The following MAD1L1 variants were observed in gnomAD, a reference collection of about 807,000 sequenced individuals.
The protein encoded by MAD1L1 is mitotic arrest deficient 1 like 1.
A neutral mutation model predicts 96.9 loss-of-function variants in MAD1L1; 95 were observed. The observed-to-expected ratio is 0.98, with a 90% CI of 0.83 to 1.16. The LOEUF is 1.16. Ranked by LOEUF, MAD1L1 falls within the 50% of genes most tolerant of loss-of-function variation. MAD1L1 has a pLI of 0.00. For synonymous variants in MAD1L1, 473 were observed against 396.6 expected (o/e 1.19, Z -2.29); for missense variants, 1,007 against 954.4 (o/e 1.06, Z -0.73).
rs372955253 is a variant in MAD1L1 at position 2,069,208 on chromosome 7, G to A, written c.1204C>T (p.Leu402=). 3.7e-6 allele frequency: 6 copies of A among 1,601,100 alleles called. No homozygotes were observed. In the African/African-American group the frequency reaches 8.1e-5, roughly 22 times the overall value. The change falls in exon 12 of 19, where the codon CTG becomes TTG. Residue 402 remains leucine (L), a synonymous_variant. Coordinates refer to ENST00000265854, the MANE Select transcript of MAD1L1 (RefSeq NM_001013836.2). ...GCATACATCACCTTGGTGAGCAGCA[G>A]GACCCGTTTCTGGAGCCTCCGGGCC... ...ALARRLQKRV[L]LLTKERDGMR...
At chr7:2,201,486 G>A (rs1792296167) in intron 10 of MAD1L1, among the ~76,000 whole-genome samples, 1 of 152,132 alleles carries the variant, frequency 6.6e-6, no homozygotes, top group African/African-American at 2.4e-5. Flanking sequence ...AACCAGCCCA[G>A]ATACCACCAG....
At chr7:2,135,246 G>A (rs962183342) in intron 11 of MAD1L1, among the ~76,000 whole-genome samples, 2 of 152,176 alleles carry the variant, frequency 1.3e-5, no homozygotes, top group Non-Finnish European at 2.9e-5. Flanking sequence ...ACACCTGTGC[G>A]GGGCCAGACT....
chr7:2,207,091 A>AG (rs1441175393), intron 10 of MAD1L1, among the ~76,000 whole-genome samples: 1 of 152,074 alleles, frequency 6.6e-6, no homozygotes, highest in African/African-American at 2.4e-5. Context: ...AAAAAAAAAA[A>AG]AAAAGAAATT....
At chr7:1,902,615 G>A (rs762617057) in intron 17 of MAD1L1, among the ~76,000 whole-genome samples, 10 of 152,220 alleles carry the variant, frequency 6.6e-5, no homozygotes, top group Admixed American at 1.3e-4. Flanking sequence ...GCCCTTCCCC[G>A]GGGCCTGAGC....
chr7:1,957,043 G>A (rs1056738155), intron 16 of MAD1L1, among the ~76,000 whole-genome samples: 2 of 152,218 alleles, frequency 1.3e-5, no homozygotes, highest in East Asian at 1.9e-4. Context: ...CAGCAGCCCC[G>A]TGACCGCTCC....
chr7:2,227,692 G>A (rs550274755), intron 3 of MAD1L1, among the ~76,000 whole-genome samples: 2 of 152,332 alleles, frequency 1.3e-5, no homozygotes, highest in South Asian at 4.1e-4. Context: ...ACTGTGTCTC[G>A]ATTCTCAGCT....
In MAD1L1 at chr7:2,103,655, C is replaced by T. The variant is rs111422301; in HGVS notation, c.1074-34317G>A. The stretch of plus-strand genomic sequence containing the variant: ...CAGCCAGAACACTGAGACTCGATCC[C>T]ACAGGGGAGAAGGAGGGAGCGGCCA... On this transcript the variant is annotated intron_variant, in intron 11 of 18. Coordinates refer to ENST00000265854, the MANE Select transcript of MAD1L1 (RefSeq NM_001013836.2). This position sits in a 1 kb window ranked among gnomAD's most constrained non-coding sequence, Gnocchi z 4.3. Among the ~76,000 whole-genome samples, 346 of 152,316 alleles carry T rather than the reference C, an allele frequency of 2.3e-3. 3 individuals are homozygous for T. The highest frequency in any genetic ancestry group is 7.9e-3 in the Admixed American group (121 of 15,306).
At chr7:2,219,577 G>C in intron 5 of MAD1L1, 121 bp from the exon 6 acceptor site, 1 of 1,043,726 alleles carries the variant, frequency 9.6e-7, no homozygotes. Context: ...ATCAGGGCAG[G>C]AGGCAGAGGG....
chr7:2,120,665 C>A (rs973426850), intron 11 of MAD1L1, among the ~76,000 whole-genome samples: 2 of 152,230 alleles, frequency 1.3e-5, no homozygotes, highest in African/African-American at 4.8e-5. Context: ...CAACACAAAA[C>A]CAAGGCGTTT....
chr7:2,076,128 G>A (rs1362404165), intron 11 of MAD1L1, among the ~76,000 whole-genome samples: 1 of 152,240 alleles, frequency 6.6e-6, no homozygotes, highest in Non-Finnish European at 1.5e-5. Flanking sequence ...GCTGAGTGGT[G>A]CCTGGAGTGT....
At chr7:2,078,066 C>T (rs1261165744) in intron 11 of MAD1L1, among the ~76,000 whole-genome samples, 1 of 152,164 alleles carries the variant, frequency 6.6e-6, no homozygotes, top group South Asian at 2.1e-4. Context: ...GGGGAAGGGC[C>T]CCCACTCACC....
intron 11 of MAD1L1, among the ~76,000 whole-genome samples, chr7:2,101,550 G>A (rs1163278536): frequency 2.0e-5 from 3 of 149,706 alleles, no homozygotes. Flanking sequence ...CATCCAGGTG[G>A]GTGGCAGGAG....
chr7:2,042,039 G>C (rs532033315), intron 12 of MAD1L1, among the ~76,000 whole-genome samples: 5 of 151,590 alleles, frequency 3.3e-5, no homozygotes, highest in African/African-American at 1.2e-4. Context: ...ACACGCACAC[G>C]GACATGCACA....
chr7:2,160,460 G>A (rs1790050692), intron 10 of MAD1L1, among the ~76,000 whole-genome samples: 2 of 151,058 alleles, frequency 1.3e-5, no homozygotes, highest in South Asian at 4.2e-4. Flanking sequence ...AGACTCCCGA[G>A]GGGCTGGGAC....
At chr7:2,075,304 G>C (rs1355928618) in intron 11 of MAD1L1, among the ~76,000 whole-genome samples, 1 of 152,168 alleles carries the variant, frequency 6.6e-6, no homozygotes, top group East Asian at 1.9e-4. Context: ...TGCAGGTAGA[G>C]GCGCTCCGGC....
intron 10 of MAD1L1, among the ~76,000 whole-genome samples, chr7:2,170,464 G>A (rs1050649909): frequency 1.1e-4 from 16 of 152,228 alleles, no homozygotes; most frequent in Non-Finnish European, 1.5e-5. Context: ...TGTGGCTGGT[G>A]CAGAGGCTGA....
intron 18 of MAD1L1, among the ~76,000 whole-genome samples, chr7:1,819,012 C>T (rs971572756): frequency 6.6e-6 from 1 of 152,086 alleles, no homozygotes; most frequent in African/African-American, 2.4e-5. Context: ...CCGTTTCCCC[C>T]AGCGTACCCA....
intron 17 of MAD1L1, among the ~76,000 whole-genome samples, chr7:1,914,050 T>A (rs1409747237): frequency 1.3e-5 from 2 of 151,996 alleles, no homozygotes; most frequent in Non-Finnish European, 2.9e-5. Context: ...CCACCTCTCC[T>A]CTCCTGCAAG....
intron 16 of MAD1L1, among the ~76,000 whole-genome samples, chr7:1,950,074 A>T (rs978954485): frequency 5.3e-5 from 6 of 112,450 alleles, no homozygotes; most frequent in African/African-American, 1.8e-4. Flanking sequence ...AGCAGAGACT[A>T]CTAGACGATC....
Sources: gnomAD v4.1 joint callset for allele counts (sites outside exome capture counted in the v4.1 genomes callset) on GRCh38, gnomAD v4.1.1 for gene constraint, Gnocchi (gnomAD v3.1) non-coding constraint, MANE v1.5 for transcripts, NCBI Gene and HGNC (gene_info 2026-07-23, HGNC 2026-07-21) for gene names.